Variants in ARHGAP6 observed in about 807,000 individuals in gnomAD.
ARHGAP6 encodes rho GTPase-activating protein 6.
Under a neutral mutation model 55.7 loss-of-function variants are expected in ARHGAP6, and 16 were observed. That is an observed-to-expected ratio of 0.29 (90% CI 0.19 to 0.44). The LOEUF (loss-of-function observed/expected upper bound fraction) is 0.44. ARHGAP6 is among the 20% of genes least tolerant of loss of function. ARHGAP6 has a pLI of 1.00. For missense variants in ARHGAP6, 698 were observed against 808.9 expected (o/e 0.86, Z 1.66); for synonymous variants, 382 against 360.9 (o/e 1.06, Z -0.66).
intron 1 of ARHGAP6, among the ~76,000 whole-genome samples, chrX:11,558,559 C>T (rs935852625): frequency 1.8e-5 from 2 of 109,922 alleles, no homozygotes; most frequent in South Asian, 3.9e-4. Flanking sequence ...GAAATTTTGC[C>T]AGGTGTGGTG....
chrX:11,590,873 A>AAGAAAAGAAAAGAAAAGAAAAGAAG (rs1569411008), intron 1 of ARHGAP6, among the ~76,000 whole-genome samples: 1 of 52,633 alleles, frequency 1.9e-5, no homozygotes, highest in Non-Finnish European at 3.7e-5. Context: ...AAAGAAGGAA[A>AAGAAAAGAAAAGAAAAGAAAAGAAG]GAAAGAAAGA....
rs116564236 is a variant in ARHGAP6 at position 11,596,924 on chromosome X, C to T, written c.588+67317G>A. The stretch of plus-strand genomic sequence containing the variant: ...GGCACTTTTCATAAAACAATTCATG[C>T]TATTATTTTGATATGTAGCTAGGGT... On this transcript the variant is annotated intron_variant, in intron 1 of 12. Transcript: ENST00000337414. 7.4e-3 allele frequency among the ~76,000 whole-genome samples: 824 copies of T among 111,781 alleles called. 8 individuals are homozygous for T. The highest frequency in any genetic ancestry group is 0.025 in the African/African-American group (778 of 30,807).
Position 11,147,258 on chromosome X carries a change from CAT to C in ARHGAP6, c.1908-3012_1908-3011del, listed in dbSNP as rs200378564. 3.6e-3 allele frequency among the ~76,000 whole-genome samples: 400 copies of C among 110,701 alleles called. 1 individual carries two copies. Among genetic ancestry groups the C allele is most frequent in the South Asian group, 0.013 (34 of 2,632 alleles). ...GCACACATATACATATTCATAAACA[CAT>C]ATACACACACACAAATATGACATAG... On this transcript the variant is annotated intron_variant, in intron 10 of 12. Coordinates refer to ENST00000337414, the MANE Select transcript of ARHGAP6 (RefSeq NM_013427.3).
chrX:11,219,975 C>T (rs1192266936), intron 2 of ARHGAP6, among the ~76,000 whole-genome samples: 1 of 103,938 alleles, frequency 9.6e-6, no homozygotes, highest in Non-Finnish European at 2.0e-5. Flanking sequence ...TGCCTATGTC[C>T]TGAATGGTAC....
chrX:11,165,410 G>A (rs5933864), intron 9 of ARHGAP6, among the ~76,000 whole-genome samples: 2,431 of 111,537 alleles, frequency 0.022, 27 homozygotes, highest in Middle Eastern at 0.056. Context: ...TGTGGGATCA[G>A]GTCACAGCAT....
At chrX:11,663,083 C>T (rs1335150944) in intron 1 of ARHGAP6, among the ~76,000 whole-genome samples, 1 of 112,223 alleles carries the variant, frequency 8.9e-6, no homozygotes, top group Non-Finnish European at 1.9e-5. Context: ...GCCTCAGTTA[C>T]TTTGACACAG....
intron 1 of ARHGAP6, among the ~76,000 whole-genome samples, chrX:11,326,526 G>C (rs1050785530): frequency 2.7e-5 from 3 of 110,801 alleles, no homozygotes; most frequent in Non-Finnish European, 5.7e-5. Context: ...AAGGTTGAGG[G>C]GATCATGTAC....
chrX:11,266,226 A>G (rs2047626776), intron 1 of ARHGAP6, among the ~76,000 whole-genome samples: 1 of 110,868 alleles, frequency 9.0e-6, no homozygotes, highest in South Asian at 3.9e-4. Flanking sequence ...TTCCACAGGG[A>G]TCTACAAACG....
At chrX:11,515,279 A>G (rs1226019532) in intron 1 of ARHGAP6, among the ~76,000 whole-genome samples, 1 of 112,350 alleles carries the variant, frequency 8.9e-6, no homozygotes, top group East Asian at 2.8e-4. Context: ...AAAAGTATAT[A>G]AGTCACTAAG....
At chrX:11,451,148 C>T (rs779889394) in intron 1 of ARHGAP6, among the ~76,000 whole-genome samples, 22 of 111,924 alleles carry the variant, frequency 2.0e-4, no homozygotes, top group African/African-American at 7.1e-4. Context: ...ATCACAATAG[C>T]TGCCCCTTAC....
intron 2 of ARHGAP6, among the ~76,000 whole-genome samples, chrX:11,218,897 T>A (rs1228551064): frequency 1.8e-5 from 2 of 110,587 alleles, no homozygotes; most frequent in Non-Finnish European, 3.8e-5. Context: ...TGTTTTTTTT[T>A]TTATTATACT....
At chrX:11,174,268 C>G (rs1317093364) in intron 8 of ARHGAP6, among the ~76,000 whole-genome samples, 1 of 111,941 alleles carries the variant, frequency 8.9e-6, no homozygotes, top group Admixed American at 9.4e-5. Context: ...TAAATTCAAC[C>G]TCCTCCATGA....
At chrX:11,638,515 C>T (rs188396277) in intron 1 of ARHGAP6, among the ~76,000 whole-genome samples, 1 of 111,370 alleles carries the variant, frequency 9.0e-6, no homozygotes, top group African/African-American at 3.3e-5. Context: ...TCATTCTATA[C>T]CCCCTATTAA....
At chrX:11,501,746 C>T (rs948542906) in intron 1 of ARHGAP6, among the ~76,000 whole-genome samples, 1 of 111,630 alleles carries the variant, frequency 9.0e-6, no homozygotes, top group African/African-American at 3.3e-5. Context: ...TTAAGAAAAT[C>T]ATAAGGAAGA....
chrX:11,429,143 T>C (rs2049918607), intron 1 of ARHGAP6, among the ~76,000 whole-genome samples: 1 of 112,670 alleles, frequency 8.9e-6, no homozygotes, highest in African/African-American at 3.2e-5. Context: ...AAAAGGAAAA[T>C]GCTACTGATG....
chrX:11,344,678 CAAA>C (rs34123570), intron 1 of ARHGAP6, among the ~76,000 whole-genome samples: 42 of 28,263 alleles, frequency 1.5e-3, no homozygotes, highest in African/African-American at 4.5e-3. Flanking sequence ...AACTCCATCA[CAAA>C]AAAAAAAAAA....
At chrX:11,552,567 T>C (rs2051278390) in intron 1 of ARHGAP6, among the ~76,000 whole-genome samples, 1 of 51,298 alleles carries the variant, frequency 1.9e-5, no homozygotes, top group Admixed American at 2.0e-4. Context: ...TATATATATA[T>C]ATATATATAT....
chrX:11,213,238 C>T (rs1008222352), intron 2 of ARHGAP6, among the ~76,000 whole-genome samples: 16 of 112,918 alleles, frequency 1.4e-4, no homozygotes, highest in African/African-American at 4.8e-4. Flanking sequence ...GCCCAGGCTC[C>T]CTCCCATGCC....
intron 1 of ARHGAP6, among the ~76,000 whole-genome samples, chrX:11,295,674 T>C (rs1258803131): frequency 5.4e-5 from 6 of 111,592 alleles, no homozygotes; most frequent in Non-Finnish European, 1.1e-4. Flanking sequence ...CTTCCTGAAA[T>C]CCTGCATTGC....
Sources: gnomAD v4.1 joint callset for allele counts (sites outside exome capture counted in the v4.1 genomes callset) on GRCh38, gnomAD v4.1.1 for gene constraint, MANE v1.5 for transcripts, NCBI Gene and HGNC (gene_info 2026-07-23, HGNC 2026-07-21) for gene names.